Variants in FHOD3 observed in about 807,000 individuals in gnomAD.
The protein encoded by FHOD3 is formin homology 2 domain containing 3, also known as FH1/FH2 domain-containing protein 3.
A neutral mutation model predicts 173.0 loss-of-function variants in FHOD3; 90 were observed. The ratio of observed to expected loss-of-function variants is 0.52; its 90% CI spans 0.44 to 0.62. The LOEUF (loss-of-function observed/expected upper bound fraction) is 0.62, where lower values mean the gene tolerates loss of function less well. Among genes scored for constraint, FHOD3 ranks in the 20% least tolerant of loss-of-function variants. The pLI is 0.00. For missense variants in FHOD3, 1,945 were observed against 2,034.7 expected, an observed-to-expected ratio of 0.96 and a Z score of 0.85; for synonymous variants, 828 against 823.0, an observed-to-expected ratio of 1.01 and a Z score of -0.10.
intron 3 of FHOD3, among the ~76,000 whole-genome samples, chr18:36,480,978 T>C (rs973417387): frequency 6.7e-6 from 1 of 148,572 alleles, no homozygotes. Context: ...CCACAGTTTT[T>C]TTATGCAGTG....
intron 5 of FHOD3, among the ~76,000 whole-genome samples, chr18:36,561,552 C>T (rs910503979): frequency 6.6e-6 from 1 of 152,166 alleles, no homozygotes; most frequent in African/African-American, 2.4e-5. Context: ...TTGATTTTGA[C>T]TTTTTTATTG....
intron 3 of FHOD3, among the ~76,000 whole-genome samples, chr18:36,378,150 T>G (rs1568192709): frequency 6.6e-6 from 1 of 152,192 alleles, no homozygotes; most frequent in African/African-American, 2.4e-5. Context: ...TCCAAAGATG[T>G]TCATCTTGTT....
chr18:36,742,549 A>G lies in FHOD3; in HGVS notation c.3760-188A>G, dbSNP rs556949752. Among the ~76,000 whole-genome samples, 4 of 152,248 alleles carry G rather than the reference A, an allele frequency of 2.6e-5. No individual in the cohort carries two copies. In the South Asian group the frequency reaches 8.3e-4, roughly 32 times the overall value. On this transcript the variant is annotated intron_variant, in intron 21 of 28. Coordinates refer to ENST00000590592, the MANE Select transcript of FHOD3 (RefSeq NM_001281740.3). Reference sequence around the variant, plus strand: ...CCAGCACAAGGTCCTTTTGGTCTCCACTGCAGGGTCTGGGGAGTAGAGGCT... The same window carrying G: ...CCAGCACAAGGTCCTTTTGGTCTCCGCTGCAGGGTCTGGGGAGTAGAGGCT...
chr18:36,615,471 C>CT (rs1260052274), intron 9 of FHOD3, among the ~76,000 whole-genome samples: 5 of 151,862 alleles, frequency 3.3e-5, no homozygotes, highest in Admixed American at 1.3e-4. Flanking sequence ...TTTTTCTGGT[C>CT]TTTTTTGTAT....
intron 3 of FHOD3, among the ~76,000 whole-genome samples, chr18:36,427,034 A>G (rs911805805): frequency 6.6e-6 from 1 of 152,184 alleles, no homozygotes; most frequent in Non-Finnish European, 1.5e-5. Flanking sequence ...CATTGAGTCG[A>G]GGTGTGTTTC....
intron 3 of FHOD3, among the ~76,000 whole-genome samples, chr18:36,458,229 G>A (rs1461967577): frequency 6.6e-6 from 1 of 151,900 alleles, no homozygotes; most frequent in Non-Finnish European, 1.5e-5. Context: ...GTTGGTGAAG[G>A]AAGGAAGGAA....
intron 17 of FHOD3, among the ~76,000 whole-genome samples, chr18:36,701,373 C>A (rs1035564088): frequency 6.6e-6 from 1 of 152,092 alleles, no homozygotes; most frequent in African/African-American, 2.4e-5. Flanking sequence ...AGAATAGTCA[C>A]CCTATATGTT....
intron 3 of FHOD3, among the ~76,000 whole-genome samples, chr18:36,424,483 A>C (rs2147133324): frequency 6.6e-6 from 1 of 152,188 alleles, no homozygotes; most frequent in South Asian, 2.1e-4. Flanking sequence ...CCCTGGTAGA[A>C]TGTCAGTACG....
chr18:36,527,319 A>G (rs1284889174), intron 5 of FHOD3, among the ~76,000 whole-genome samples: 2 of 152,212 alleles, frequency 1.3e-5, no homozygotes, highest in Non-Finnish European at 2.9e-5. Flanking sequence ...GAAGAAGCAT[A>G]ATTTCTCTTA....
chr18:36,678,731 G>A (rs1207082766), intron 14 of FHOD3, among the ~76,000 whole-genome samples: 1 of 151,820 alleles, frequency 6.6e-6, no homozygotes, highest in African/African-American at 2.4e-5. Flanking sequence ...GGTAGCCATG[G>A]TTTTTCTCCA....
chr18:36,703,621 G>A (rs571754922), intron 17 of FHOD3, among the ~76,000 whole-genome samples: 39 of 152,296 alleles, frequency 2.6e-4, no homozygotes, highest in African/African-American at 9.4e-4. Flanking sequence ...TAGGCAAGCA[G>A]GACCTGATGT....
intron 14 of FHOD3, among the ~76,000 whole-genome samples, chr18:36,674,004 T>A (rs1258426817): frequency 6.6e-6 from 1 of 152,200 alleles, no homozygotes; most frequent in African/African-American, 2.4e-5. Context: ...TTACTTTACC[T>A]CTCCACCTCA....
chr18:36,568,188 AT>A (rs2147825149), intron 5 of FHOD3, among the ~76,000 whole-genome samples: 3 of 143,900 alleles, frequency 2.1e-5, no homozygotes, highest in African/African-American at 7.9e-5. Context: ...AAAAAAATAA[AT>A]TAGCCAGGCA....
At chr18:36,352,619 G>T (rs2046183638) in intron 1 of FHOD3, among the ~76,000 whole-genome samples, 1 of 152,156 alleles carries the variant, frequency 6.6e-6, no homozygotes, top group Non-Finnish European at 1.5e-5. Flanking sequence ...GCTGAGTGTG[G>T]ATCACAGGCT....
At chr18:36,416,670 G>A (rs948411479) in intron 3 of FHOD3, among the ~76,000 whole-genome samples, 3 of 152,158 alleles carry the variant, frequency 2.0e-5, no homozygotes, top group Non-Finnish European at 2.9e-5. Flanking sequence ...GCACCTCTGT[G>A]TTGGACTTTT....
intron 1 of FHOD3, among the ~76,000 whole-genome samples, chr18:36,319,332 CA>C (rs1261618168): frequency 6.6e-6 from 1 of 152,168 alleles, no homozygotes; most frequent in African/African-American, 2.4e-5. Flanking sequence ...GCAGGGATTG[CA>C]ATCCTAGTCT....
intron 3 of FHOD3, among the ~76,000 whole-genome samples, chr18:36,490,037 G>A (rs1045760680): frequency 6.6e-6 from 1 of 152,170 alleles, no homozygotes; most frequent in African/African-American, 2.4e-5. Context: ...GCTTACCTAG[G>A]TCAGCAGCCT....
At position 36,717,848 on chromosome 18, in the gene FHOD3, T is replaced by C. The variant is rs2040545564; in HGVS notation, c.2550T>C (p.Gly850=). Residue 850 remains glycine (G), a synonymous_variant, in exon 19 of 29, where the codon GGT becomes GGC. Transcript: ENST00000590592. ...TACTTTCAGGTTTGTGGCCCGCAGG[T>C]GTCCAGGATGCAGGTGTAAATGGAC... ...RDRTTGLWPA[G]VQDAGVNGQC... is the part of the protein sequence containing the mutation. The C allele has an allele frequency of 3.2e-6, 5 of 1,578,302 alleles. No homozygotes were observed. The South Asian group carries it at 5.9e-5, about 18-fold the overall frequency.
chr18:36,503,658 A>G lies in FHOD3; in HGVS notation c.405+1659A>G, dbSNP rs116102395. ...GTCTGCCTTGGTTCATGCCTGGAAAATTGCAGCAGCTATTCATGGCACTGT... is the reference window on the plus strand; with the variant it reads ...GTCTGCCTTGGTTCATGCCTGGAAAGTTGCAGCAGCTATTCATGGCACTGT... On this transcript the variant is annotated intron_variant, in intron 4 of 28. Coordinates refer to ENST00000590592, the MANE Select transcript of FHOD3 (RefSeq NM_001281740.3). 6.1e-3 allele frequency among the ~76,000 whole-genome samples: 927 copies of G among 152,262 alleles called. 4 individuals are homozygous for G. The highest frequency in any genetic ancestry group is 0.018 in the African/African-American group (753 of 41,542).
Sources: gnomAD v4.1 joint callset for allele counts (sites outside exome capture counted in the v4.1 genomes callset) on GRCh38, gnomAD v4.1.1 for gene constraint, MANE v1.5 for transcripts, NCBI Gene and HGNC (gene_info 2026-07-23, HGNC 2026-07-21) for gene names.